Variants in PPWD1 observed in about 807,000 individuals in gnomAD.
PPWD1 encodes peptidylprolyl isomerase domain and WD repeat-containing protein 1.
In PPWD1, 43 loss-of-function variants were observed where a neutral mutation model predicts 68.8. That is an observed-to-expected ratio of 0.62 (90% CI 0.49 to 0.81). The LOEUF (loss-of-function observed/expected upper bound fraction) is 0.81, where lower values mean the gene tolerates loss of function less well. Ranked by LOEUF, PPWD1 falls within the 30% of genes least tolerant of loss-of-function variation. The pLI, the probability that PPWD1 is intolerant of heterozygous loss-of-function variation, is 0.00. For missense variants in PPWD1, 672 were observed against 804.8 expected, an observed-to-expected ratio of 0.83 and a Z score of 2.00; for synonymous variants, 232 against 258.7, an observed-to-expected ratio of 0.90 and a Z score of 0.99.
At chr5:65,585,861 GT>G (rs35368186) in intron 9 of PPWD1, 137 bp from the exon 10 acceptor site, 861,383 of 1,342,548 alleles carry the variant, frequency 0.64, 278,712 homozygotes, top group Non-Finnish European at 0.66. Flanking sequence ...AAATTTAAGT[GT>G]TAAGGGTTTA....
Position 65,569,697 on chromosome 5 carries a change from G to A in PPWD1, c.365G>A (p.Gly122Glu). Residue 122 changes from glycine to glutamate, a missense_variant, in exon 3 of 11, where the codon GGA becomes GAA. Physicochemically the swap from Gly to Glu is moderately conservative, Grantham distance 98. Coordinates refer to ENST00000261308, the MANE Select transcript of PPWD1 (RefSeq NM_015342.4). Reference sequence around the variant, plus strand: ...AAGTTCTGGAAAAAAATAGAAGAGGGAATTGAATTTGTTAAACATTTTCGT... The same window carrying A: ...AAGTTCTGGAAAAAAATAGAAGAGGAAATTGAATTTGTTAAACATTTTCGT... ...HVKFWKKIEE[G>E]IEFVKHFRSH... 1 of 1,609,572 alleles carries A rather than the reference G, an allele frequency of 6.2e-7. No individual in the cohort carries two copies. The highest frequency in any genetic ancestry group is 8.5e-7 in the Non-Finnish European group (1 of 1,177,346).
intron 7 of PPWD1, 124 bp downstream of exon 7, chr5:65,579,737 A>G (rs556262640): frequency 1.8e-6 from 1 of 570,968 alleles, no homozygotes; most frequent in African/African-American, 1.9e-5. Context: ...AACAACCAGA[A>G]TACCATCTTA....
intron 1 of PPWD1, 122 bp downstream of exon 1, chr5:65,563,628 CTCTCACT>C (rs71608597): frequency 0.027 from 36,452 of 1,371,194 alleles, 873 homozygotes; most frequent in South Asian, 0.08. Flanking sequence ...GAGGGCCGTC[CTCTCACT>C]TCTGGCTACT....
At chr5:65,577,171 G>A in intron 6 of PPWD1, 102 bp downstream of exon 6, 1 of 1,459,492 alleles carries the variant, frequency 6.9e-7, no homozygotes, top group Non-Finnish European at 9.0e-7. Context: ...AAGAAAAGTG[G>A]AATGGCCCCA....
chr5:65,566,692 C>T (rs11952433), intron 1 of PPWD1, among the ~76,000 whole-genome samples: 7,467 of 150,848 alleles, frequency 0.05, 336 homozygotes, highest in African/African-American at 0.1. Context: ...ATAATTCTCC[C>T]CTCCCCTCGT....
chr5:65,563,730 T>C (rs1752462564), intron 1 of PPWD1: 3 of 1,425,698 alleles, frequency 2.1e-6, no homozygotes, highest in Non-Finnish European at 2.9e-6. Context: ...GATCATTGAT[T>C]TGTTATGACA....
chr5:65,566,416 G>A (rs1031019462), intron 1 of PPWD1, among the ~76,000 whole-genome samples: 3 of 152,186 alleles, frequency 2.0e-5, no homozygotes, highest in Non-Finnish European at 2.9e-5. Flanking sequence ...AAAGGAAGAA[G>A]GGTACACTTT....
At position 65,586,062 on chromosome 5, in the gene PPWD1, G is replaced by A. The variant is rs1253296942; in HGVS notation, c.1678G>A (p.Gly560Arg). 1.2e-6 allele frequency: 2 copies of A among 1,613,684 alleles called. No individual in the cohort carries two copies. The highest frequency in any genetic ancestry group is 2.2e-5 in the South Asian group (2 of 91,070). Reference protein sequence around the residue: ...TGMGGESIWGGEFEDEFHSTL... With the variant: ...TGMGGESIWGREFEDEFHSTL... Reference sequence around the variant, plus strand: ...TATGGGAGGAGAAAGCATATGGGGAGGAGAATTTGAAGATGAATTTCATTC... The same window carrying A: ...TATGGGAGGAGAAAGCATATGGGGAAGAGAATTTGAAGATGAATTTCATTC... Residue 560 changes from glycine to arginine, a missense_variant, in exon 10 of 11, where the codon GGA (glycine) becomes AGA (arginine). By Grantham distance (125) the Gly-to-Arg change is moderately radical. Around this residue, in one of 2 missense-constraint regions of PPWD1, gnomAD observed 484 missense variants for 646.2 expected, o/e 0.75. Transcript: ENST00000261308.
At chr5:65,567,417 A>G in intron 1 of PPWD1, 96 bp from the exon 2 acceptor site, 2 of 1,374,222 alleles carry the variant, frequency 1.5e-6, no homozygotes, top group Non-Finnish European at 1.9e-6. Flanking sequence ...AGAAAATACC[A>G]AGTAGAGTGT....
At chr5:65,571,700 T>C in intron 4 of PPWD1, 139 bp from the exon 5 acceptor site, 1 of 1,367,262 alleles carries the variant, frequency 7.3e-7, no homozygotes, top group Non-Finnish European at 9.7e-7. Context: ...CTCCCCATTC[T>C]GTGTCTCTGC....
At chr5:65,571,424 T>C (rs1288212907) in intron 4 of PPWD1, among the ~76,000 whole-genome samples, 1 of 152,182 alleles carries the variant, frequency 6.6e-6, no homozygotes, top group African/African-American at 2.4e-5. Context: ...TTGATTTAAA[T>C]ATTTCAAGAA....
rs1416607149 is a variant in PPWD1, at chr5:65,567,571, C to T, written c.255C>T (p.Arg85=). The part of the protein sequence containing the change: ...DNLPSASMYE[R]SYMHRDVITH... Reference sequence around the variant, plus strand: ...TCCCCAGTGCATCCATGTATGAGCGCAGTTACATGCATAGAGATGTTATCA... The same window carrying T: ...TCCCCAGTGCATCCATGTATGAGCGTAGTTACATGCATAGAGATGTTATCA... The change falls in exon 2 of 11, where the codon CGC becomes CGT. Residue 85 remains arginine, a synonymous_variant. Transcript: ENST00000261308. 3 of 1,611,392 alleles carry T rather than the reference C, an allele frequency of 1.9e-6. No homozygotes were observed. The highest frequency in any genetic ancestry group is 1.1e-5 in the South Asian group (1 of 90,860).
At chr5:65,583,291 C>A in intron 8 of PPWD1, 72 bp downstream of exon 8, 2 of 1,304,740 alleles carry the variant, frequency 1.5e-6, no homozygotes, top group Admixed American at 2.8e-5. Context: ...AGAAACCATG[C>A]AACTTAAAAT....
At position 65,579,592 on chromosome 5, in the gene PPWD1, C is replaced by A; in HGVS notation, c.1329C>A (p.Phe443Leu). 6.4e-7 allele frequency: 1 copy of A among 1,573,444 alleles called. No homozygotes were observed. The highest frequency in any genetic ancestry group is 8.6e-7 in the Non-Finnish European group (1 of 1,164,484). The change falls in exon 7 of 11, where the codon TTC becomes TTA. Residue 443 changes from phenylalanine (F) to leucine (L), a missense_variant. Physicochemically the swap from Phe to Leu is conservative, Grantham distance 22. Transcript: ENST00000261308. ...QADPTIVCTS[F>L]KKNRFYMFTK... ...ACCCAACAATAGTCTGTACATCATT[C>A]AAAAAGAATAGATTTTATATGGTAT...
At chr5:65,584,930 ACAT>A (rs1753760865) in intron 8 of PPWD1, 81 bp from the exon 9 acceptor site, 3 of 1,508,256 alleles carry the variant, frequency 2.0e-6, no homozygotes, top group Non-Finnish European at 2.7e-6. Flanking sequence ...TGGAAAGGAA[ACAT>A]CATTAGGAAG....
chr5:65,575,621 A>G (rs1019272124), intron 5 of PPWD1, among the ~76,000 whole-genome samples: 3 of 151,496 alleles, frequency 2.0e-5, no homozygotes, highest in African/African-American at 4.9e-5. Flanking sequence ...CTACTGTTTG[A>G]TGCCCTGATT....
At chr5:65,578,120 G>C (rs1244850037) in intron 6 of PPWD1, among the ~76,000 whole-genome samples, 2 of 152,162 alleles carry the variant, frequency 1.3e-5, no homozygotes, top group African/African-American at 4.8e-5. Context: ...GTCCAGATTG[G>C]CTCCTTTCGG....
chr5:65,572,310 G>T (rs200863310), intron 5 of PPWD1, 24 bp downstream of exon 5: 12 of 1,543,990 alleles, frequency 7.8e-6, no homozygotes, highest in African/African-American at 4.2e-5. Flanking sequence ...AAATTTAACC[G>T]TACTTTACTT....
rs765537530 is a variant in PPWD1, at chr5:65,563,517, A to T, written c.196+11A>T. ...CCAAGAAGAGGAAAGGTAGCTGCAG[A>T]CATAGTACCGGGACGAATTGGAGTG... On this transcript the variant is annotated intron_variant, in intron 1 of 10. Transcript: ENST00000261308. 4 of 1,605,694 alleles carry T rather than the reference A, an allele frequency of 2.5e-6. No individual in the cohort carries two copies. The highest frequency in any genetic ancestry group is 3.4e-6 in the Non-Finnish European group (4 of 1,176,282).
Sources: gnomAD v4.1 joint callset for allele counts (sites outside exome capture counted in the v4.1 genomes callset) on GRCh38, gnomAD v4.1.1 for gene constraint, gnomAD v4.1.1 regional missense constraint, MANE v1.5 for transcripts, NCBI Gene and HGNC (gene_info 2026-07-23, HGNC 2026-07-21) for gene names.